The following SLC4A10 variants were observed in gnomAD, a reference collection of about 807,000 sequenced individuals.
SLC4A10 encodes the protein sodium-driven chloride bicarbonate exchanger.
In SLC4A10, 42 loss-of-function variants were observed where a neutral mutation model predicts 137.7. The ratio of observed to expected loss-of-function variants is 0.30; its 90% confidence interval spans 0.24 to 0.39. The LOEUF (loss-of-function observed/expected upper bound fraction) is 0.39. Among genes scored for constraint, SLC4A10 ranks in the 10% least tolerant of loss-of-function variants. The pLI is 1.00. For missense variants in SLC4A10, 925 were observed against 1,355.0 expected (o/e 0.68, Z 4.98); for synonymous variants, 474 against 464.1 (o/e 1.02, Z -0.27).
intron 1 of SLC4A10, among the ~76,000 whole-genome samples, chr2:161,715,921 A>G (rs2044817533): frequency 1.3e-5 from 2 of 152,084 alleles, no homozygotes; most frequent in Admixed American, 6.6e-5. Flanking sequence ...TGTTTTCTAC[A>G]ATGTTTGAAC....
At chr2:161,703,488 T>C (rs1231205028) in intron 1 of SLC4A10, among the ~76,000 whole-genome samples, 1 of 151,712 alleles carries the variant, frequency 6.6e-6, no homozygotes, top group Non-Finnish European at 1.5e-5. Context: ...CTCTGTATAA[T>C]GAAATTTTAT....
chr2:161,930,346 T>A (rs916129987), intron 15 of SLC4A10, among the ~76,000 whole-genome samples: 3 of 152,052 alleles, frequency 2.0e-5, no homozygotes, highest in African/African-American at 7.2e-5. Flanking sequence ...TTTGCAGATT[T>A]AATGCAATTA....
intron 26 of SLC4A10, 109 bp downstream of exon 26, chr2:161,977,869 A>C: frequency 1.0e-6 from 1 of 967,392 alleles, no homozygotes; most frequent in South Asian, 2.4e-5. Context: ...TTGGGGAGGC[A>C]AAAGGCATGG....
intron 4 of SLC4A10, among the ~76,000 whole-genome samples, chr2:161,846,368 CTGGTG>C (rs1437170275): frequency 1.3e-5 from 2 of 152,070 alleles, no homozygotes; most frequent in East Asian, 3.9e-4. Flanking sequence ...TCATACATTG[CTGGTG>C]TGAATGTAAA....
rs144359556 is a variant in SLC4A10, at chr2:161,686,066, T to G, written c.48+61500T>G. Among the ~76,000 whole-genome samples, 300 of 152,230 alleles carry G rather than the reference T, an allele frequency of 2.0e-3. 2 individuals are homozygous for G. The highest frequency in any genetic ancestry group is 6.9e-3 in the African/African-American group (285 of 41,562). Reference sequence around the variant, plus strand: ...GAAAATCAGAAGAGAGAAAATCAGGTAGAAGCTGAGTTGCTTAAAGTTCCA... The same window carrying G: ...GAAAATCAGAAGAGAGAAAATCAGGGAGAAGCTGAGTTGCTTAAAGTTCCA... On this transcript the variant is annotated intron_variant, in intron 1 of 26. Coordinates refer to ENST00000446997, the MANE Select transcript of SLC4A10 (RefSeq NM_001178015.2).
rs565330561 is a variant in SLC4A10, at chr2:161,908,608, A to C, written c.1997+2721A>C. On this transcript the variant is annotated intron_variant, in intron 15 of 26. Coordinates refer to ENST00000446997, the MANE Select transcript of SLC4A10 (RefSeq NM_001178015.2). ...TAATAATAATAAAATTAAAAAAAAAAAACAACTGGTATTGGGTTGGGAAAG... is the reference window on the plus strand; with the variant it reads ...TAATAATAATAAAATTAAAAAAAAACAACAACTGGTATTGGGTTGGGAAAG... Among the ~76,000 whole-genome samples, 215 of 152,024 alleles carry C rather than the reference A, an allele frequency of 1.4e-3. 6 individuals carry two copies. In the South Asian group the frequency reaches 0.04, roughly 28 times the overall value.
chr2:161,720,281 T>C (rs2045494092), intron 1 of SLC4A10, among the ~76,000 whole-genome samples: 1 of 152,226 alleles, frequency 6.6e-6, no homozygotes. Context: ...AGTACCATGC[T>C]GTTTTGGTTA....
At chr2:161,901,936 T>C (rs1164227983) in intron 12 of SLC4A10, 3 of 415,162 alleles carry the variant, frequency 7.2e-6, no homozygotes, top group Non-Finnish European at 1.4e-5. Context: ...TTTTTGGTGG[T>C]ATTTTTTTTC....
chr2:161,738,078 TA>T (rs56857498), intron 1 of SLC4A10, among the ~76,000 whole-genome samples: 19 of 151,970 alleles, frequency 1.3e-4, no homozygotes, highest in Non-Finnish European at 2.1e-4. Flanking sequence ...AAGTTTGGAT[TA>T]AAAAAAATTG....
chr2:161,926,925 TC>T (rs1327937325), intron 15 of SLC4A10, among the ~76,000 whole-genome samples: 2 of 152,032 alleles, frequency 1.3e-5, no homozygotes, highest in Admixed American at 1.3e-4. Context: ...TGCTGAGAGA[TC>T]CGCTGTTAGT....
At chr2:161,925,153 A>G (rs886449068) in intron 15 of SLC4A10, among the ~76,000 whole-genome samples, 1 of 152,120 alleles carries the variant, frequency 6.6e-6, no homozygotes, top group Non-Finnish European at 1.5e-5. Flanking sequence ...AATAGCTAAA[A>G]GAGTAGGAGT....
intron 2 of SLC4A10, among the ~76,000 whole-genome samples, chr2:161,774,533 C>T (rs932417609): frequency 6.6e-6 from 1 of 151,800 alleles, no homozygotes; most frequent in Non-Finnish European, 1.5e-5. Flanking sequence ...ACCTACGTTC[C>T]TCCCCAAGAA....
At chr2:161,794,422 A>G (rs980848931) in intron 2 of SLC4A10, among the ~76,000 whole-genome samples, 6 of 152,084 alleles carry the variant, frequency 3.9e-5, no homozygotes, top group African/African-American at 1.4e-4. Context: ...ATGATAGTAA[A>G]GGCATTAGGG....
intron 2 of SLC4A10, among the ~76,000 whole-genome samples, chr2:161,787,374 G>A (rs749039162): frequency 1.1e-4 from 17 of 152,002 alleles, no homozygotes; most frequent in Non-Finnish European, 2.2e-4. Flanking sequence ...ATTGACCTTG[G>A]TTAGTCTGAT....
intron 1 of SLC4A10, among the ~76,000 whole-genome samples, chr2:161,739,958 T>A (rs1374267907): frequency 6.6e-6 from 1 of 152,200 alleles, no homozygotes; most frequent in Non-Finnish European, 1.5e-5. Flanking sequence ...ATGCCTTATA[T>A]GGGCATCCCT....
chr2:161,843,256 T>C (rs1310839775), intron 4 of SLC4A10, among the ~76,000 whole-genome samples: 2 of 152,170 alleles, frequency 1.3e-5, no homozygotes, highest in African/African-American at 4.8e-5. Context: ...TACTAGAATA[T>C]AGCACTCTCA....
At chr2:161,739,798 C>G (rs141209365) in intron 1 of SLC4A10, among the ~76,000 whole-genome samples, 59 of 152,338 alleles carry the variant, frequency 3.9e-4, no homozygotes, top group African/African-American at 1.4e-3. Context: ...TTGAGCTCAT[C>G]TCTGCATTAT....
chr2:161,627,026 A>G (rs1487659451), intron 1 of SLC4A10, among the ~76,000 whole-genome samples: 1 of 152,148 alleles, frequency 6.6e-6, no homozygotes, highest in African/African-American at 2.4e-5. Context: ...TATAAGTTAC[A>G]GTTTCTTCAA....
intron 15 of SLC4A10, among the ~76,000 whole-genome samples, chr2:161,914,893 A>G (rs1396099818): frequency 1.3e-5 from 2 of 152,178 alleles, no homozygotes; most frequent in African/African-American, 4.8e-5. Flanking sequence ...TTCTAGGCAG[A>G]CAGGGGTGAG....
Sources: allele counts gnomAD v4.1 joint callset (sites outside exome capture counted in the v4.1 genomes callset), GRCh38; gene constraint gnomAD v4.1.1; transcripts MANE v1.5; gene names NCBI Gene and HGNC (gene_info 2026-07-23, HGNC 2026-07-21).